The following BASP1 variants were observed in gnomAD, a reference collection of about 807,000 sequenced individuals.
BASP1 encodes brain acid soluble protein 1.
A neutral mutation model predicts 2.2 loss-of-function variants in BASP1; 1 was observed. The observed-to-expected ratio is 0.46, with a 90% CI of 0.16 to 2.17. The LOEUF is 2.17. BASP1 is among the 30% of genes most tolerant of loss of function. The pLI is 0.27. For synonymous variants in BASP1, 187 were observed against 154.2 expected (o/e 1.21, Z -1.58); for missense variants, 352 against 327.2 (o/e 1.08, Z -0.58).
At chr5:17,263,943 G>C (rs890773982) in intron 1 of BASP1, among the ~76,000 whole-genome samples, 9 of 152,334 alleles carry the variant, frequency 5.9e-5, no homozygotes, top group East Asian at 1.9e-4. Flanking sequence ...TGATGGGGAT[G>C]TTATTAGAAT....
At position 17,275,904 on chromosome 5, in the gene BASP1, G is replaced by C; in HGVS notation, c.*4G>C. The C allele has an allele frequency of 1.9e-6, 3 of 1,565,618 alleles. No individual in the cohort carries two copies. The highest frequency in any genetic ancestry group is 1.7e-6 in the Non-Finnish European group (2 of 1,158,352). On this transcript the variant is annotated 3_prime_UTR_variant, in exon 2 of 2. Transcript: ENST00000322611. This position sits in a 1 kb window ranked among gnomAD's most constrained non-coding sequence, Gnocchi z 5.3. ...AACCGTAACCGTGAAAGAGTGACAA[G>C]GACAGCCTATAGGAAAAACAATACC...
At chr5:17,217,432 AG>A (rs202092641), upstream of BASP1, 13,549 of 72,120 alleles carry the variant, frequency 0.19, 1,743 homozygotes, top group Admixed American at 0.34. Context: ...GAGGGAGTGC[AG>A]GGGGTGGGGA....
intron 1 of BASP1, among the ~76,000 whole-genome samples, chr5:17,274,029 A>T: frequency 6.6e-6 from 1 of 152,242 alleles, no homozygotes; most frequent in African/African-American, 2.4e-5. Context: ...GATGAAATTT[A>T]TTATTTATAA....
chr5:17,236,271 T>C lies in BASP1; in HGVS notation c.-10+18461T>C, dbSNP rs986219267. On this transcript the variant is annotated intron_variant, in intron 1 of 1. Transcript: ENST00000322611. This position sits in a 1 kb window ranked among gnomAD's most constrained non-coding sequence, Gnocchi z 4.0. Reference sequence around the variant, plus strand: ...GGTTATCCAGAGAGCGAGTTTCTTTTCTTTTTTTTGGGATGGAGTTTCACT... The same window carrying C: ...GGTTATCCAGAGAGCGAGTTTCTTTCCTTTTTTTTGGGATGGAGTTTCACT... 6.6e-6 allele frequency among the ~76,000 whole-genome samples: 1 copy of C among 152,154 alleles called. No individual in the cohort carries two copies. The highest frequency in any genetic ancestry group is 2.4e-5 in the African/African-American group (1 of 41,416).
At chr5:17,218,141 T>A (rs1193115343) in intron 1 of BASP1, among the ~76,000 whole-genome samples, 1 of 151,720 alleles carries the variant, frequency 6.6e-6, no homozygotes, top group Non-Finnish European at 1.5e-5. Flanking sequence ...AATTGCCGAA[T>A]GCGAAACCCC....
intron 1 of BASP1, among the ~76,000 whole-genome samples, chr5:17,265,367 A>C (rs779659073): frequency 1.3e-5 from 2 of 152,228 alleles, no homozygotes; most frequent in Non-Finnish European, 2.9e-5. Flanking sequence ...ACTGAAATGA[A>C]GGTTCAACAG....
In BASP1 at chr5:17,241,878, C is replaced by T. The variant is rs144942532; in HGVS notation, c.-10+24068C>T. On this transcript the variant is annotated intron_variant, in intron 1 of 1. Transcript: ENST00000322611. ...GCAAAACAAGTACGTGGAGCTGGCA[C>T]GCAAACTCAGGGCTTTCTGAAACAC... is the stretch of plus-strand genomic sequence containing the variant. 1.6e-3 allele frequency among the ~76,000 whole-genome samples: 241 copies of T among 152,244 alleles called. 1 individual carries two copies. Among genetic ancestry groups the T allele is most frequent in the African/African-American group, 5.3e-3 (221 of 41,542 alleles).
intron 1 of BASP1, among the ~76,000 whole-genome samples, chr5:17,272,605 C>A (rs1296822993): frequency 6.6e-6 from 1 of 152,118 alleles, no homozygotes; most frequent in Non-Finnish European, 1.5e-5. Flanking sequence ...ATGAGACAAT[C>A]CTGCTTTTCG....
At chr5:17,256,387 C>T (rs1740211223) in intron 1 of BASP1, among the ~76,000 whole-genome samples, 1 of 152,174 alleles carries the variant, frequency 6.6e-6, no homozygotes, top group Non-Finnish European at 1.5e-5. Flanking sequence ...ATGGAAAGAT[C>T]TATGGGCAGT....
chr5:17,259,247 C>T (rs753739863), intron 1 of BASP1, among the ~76,000 whole-genome samples: 13 of 152,134 alleles, frequency 8.5e-5, no homozygotes, highest in Non-Finnish European at 1.5e-4. Flanking sequence ...CATCAACTCT[C>T]GTGAGACTCA....
chr5:17,252,016 AC>A (rs1740111318), intron 1 of BASP1, among the ~76,000 whole-genome samples: 1 of 152,144 alleles, frequency 6.6e-6, no homozygotes, highest in African/African-American at 2.4e-5. Flanking sequence ...CAGCAAGTGC[AC>A]CAAGACTGAA....
chr5:17,230,539 CT>C (rs1739610988), intron 1 of BASP1, among the ~76,000 whole-genome samples: 1 of 152,008 alleles, frequency 6.6e-6, no homozygotes, highest in South Asian at 2.1e-4. Context: ...ACACTTAACC[CT>C]TTTGAGAGGG....
Position 17,275,061 on chromosome 5 carries a change from T to A in BASP1, c.-9-147T>A. The stretch of plus-strand genomic sequence containing the variant: ...AATACATGAATAAATTGAATTTAAC[T>A]GTGCCTAACTATAGTTTACCATGCC... On this transcript the variant is annotated intron_variant, in intron 1 of 1. Transcript: ENST00000322611. This position sits in a 1 kb window ranked among gnomAD's most constrained non-coding sequence, Gnocchi z 5.3. 1.5e-6 allele frequency: 1 copy of A among 652,544 alleles called. No homozygotes were observed. The highest frequency in any genetic ancestry group is 2.0e-5 in the South Asian group (1 of 50,180). 40.4% of individuals were successfully genotyped at this position (652,544 alleles called of 1,614,324 possible). A position where few individuals can be genotyped will look rare whatever the true frequency, so the allele number is the denominator to read the frequency against.
chr5:17,253,185 T>G (rs1740135033), intron 1 of BASP1, among the ~76,000 whole-genome samples: 1 of 152,222 alleles, frequency 6.6e-6, no homozygotes, highest in African/African-American at 2.4e-5. Flanking sequence ...AAAGGACTTA[T>G]CTCTGTAATG....
At chr5:17,224,866 G>T (rs1380984432) in intron 1 of BASP1, among the ~76,000 whole-genome samples, 1 of 152,210 alleles carries the variant, frequency 6.6e-6, no homozygotes, top group Non-Finnish European at 1.5e-5. Flanking sequence ...TGTGTAGTTA[G>T]TGTTGCCTGA....
chr5:17,275,991 T>G lies in BASP1; in HGVS notation c.*91T>G, dbSNP rs182835429. On this transcript the variant is annotated 3_prime_UTR_variant, in exon 2 of 2. Coordinates refer to ENST00000322611, the MANE Select transcript of BASP1 (RefSeq NM_006317.5). This position sits in a 1 kb window ranked among gnomAD's most constrained non-coding sequence, Gnocchi z 5.3. ...TCTCTATCTCTCTCTCTATCTCCTC[T>G]CTCTCTCTCCTCTCCTATCTCTCCT... 8.8e-7 allele frequency: 1 copy of G among 1,141,728 alleles called. No individual in the cohort carries two copies. The highest frequency in any genetic ancestry group is 2.9e-5 in the East Asian group (1 of 34,050). The allele number at this position is 1,141,728 out of a possible 1,614,324, so 70.7% of individuals were successfully genotyped here.
intron 1 of BASP1, among the ~76,000 whole-genome samples, chr5:17,259,422 G>C (rs1296577047): frequency 1.3e-5 from 2 of 152,148 alleles, no homozygotes; most frequent in African/African-American, 4.8e-5. Context: ...TCTTTGGATT[G>C]AATACATTCT....
At chr5:17,244,046 G>A (rs1479684238) in intron 1 of BASP1, among the ~76,000 whole-genome samples, 2 of 152,134 alleles carry the variant, frequency 1.3e-5, no homozygotes, top group African/African-American at 2.4e-5. Flanking sequence ...GATATTTTAG[G>A]TTCTTAAATA....
At chr5:17,256,329 C>T (rs1740209099) in intron 1 of BASP1, among the ~76,000 whole-genome samples, 1 of 152,196 alleles carries the variant, frequency 6.6e-6, no homozygotes, top group Admixed American at 6.5e-5. Context: ...AGCATCGGCT[C>T]TGCTACCTTT....
Sources: gnomAD v4.1 joint callset for allele counts (sites outside exome capture counted in the v4.1 genomes callset) on GRCh38, gnomAD v4.1.1 for gene constraint, Gnocchi (gnomAD v3.1) non-coding constraint, MANE v1.5 for transcripts, NCBI Gene and HGNC (gene_info 2026-07-23, HGNC 2026-07-21) for gene names.